GALNTL6: variants seen among roughly 807,000 people sequenced by gnomAD.
The protein encoded by GALNTL6 is polypeptide N-acetylgalactosaminyltransferase like 6, also known as polypeptide N-acetylgalactosaminyltransferase-like 6.
Under a neutral mutation model 73.7 loss-of-function variants are expected in GALNTL6, and 46 were observed. The ratio of observed to expected loss-of-function variants is 0.62; its 90% CI spans 0.49 to 0.80. GALNTL6 has a LOEUF of 0.80. GALNTL6 is among the 30% of genes least tolerant of loss of function. The pLI is 0.00. For missense variants in GALNTL6, 604 were observed against 755.0 expected, an observed-to-expected ratio of 0.80 and a Z score of 2.34; for synonymous variants, 259 against 263.7, an observed-to-expected ratio of 0.98 and a Z score of 0.17.
In GALNTL6 at chr4:172,233,811, CA is replaced by C. The variant is rs367605381; in HGVS notation, c.247+4054del. On this transcript the variant is annotated intron_variant, in intron 3 of 12. Coordinates refer to ENST00000506823, the MANE Select transcript of GALNTL6 (RefSeq NM_001034845.3). ...TCACATTAACATACACAGATATGCA[CA>C]AAAAAATGGGAATTTTTGAATTGTA... is the stretch of plus-strand genomic sequence containing the variant. Among the ~76,000 whole-genome samples, 631 of 151,734 alleles carry C rather than the reference CA, an allele frequency of 4.2e-3. 2 individuals carry two copies. The highest frequency in any genetic ancestry group is 7.2e-3 in the Middle Eastern group (2 of 276).
At position 173,021,530 on chromosome 4, in the gene GALNTL6, C is replaced by A. The variant is rs756041431; in HGVS notation, c.1543C>A (p.Arg515=). The A allele has an allele frequency of 1.2e-6, 2 of 1,614,058 alleles. No individual in the cohort carries two copies. Among genetic ancestry groups the A allele is most frequent in the African/African-American group, 2.7e-5 (2 of 75,020 alleles). Residue 515 remains arginine (R), a synonymous_variant, in exon 12 of 13, where the codon CGG becomes AGG. Coordinates refer to ENST00000506823, the MANE Select transcript of GALNTL6 (RefSeq NM_001034845.3). The stretch of plus-strand genomic sequence containing the variant: ...TCGACCCGGTGAGCCACTGCATACC[C>A]GGAAATTCTGCTTTGATGCGATCTC... ...DIRPGEPLHT[R]KFCFDAISHN...
intron 5 of GALNTL6, among the ~76,000 whole-genome samples, chr4:172,718,969 T>C (rs1202158147): frequency 6.6e-6 from 1 of 152,160 alleles, no homozygotes; most frequent in East Asian, 1.9e-4. Flanking sequence ...GTTGTTCATT[T>C]AGCAACTCAA....
At chr4:172,928,507 A>C (rs998645853) in intron 8 of GALNTL6, among the ~76,000 whole-genome samples, 1 of 152,226 alleles carries the variant, frequency 6.6e-6, no homozygotes, top group Non-Finnish European at 1.5e-5. Flanking sequence ...GCTAGATCAA[A>C]TGTCCATTTG....
At chr4:172,594,181 C>A (rs920295326) in intron 5 of GALNTL6, among the ~76,000 whole-genome samples, 3 of 151,846 alleles carry the variant, frequency 2.0e-5, no homozygotes, top group Non-Finnish European at 4.4e-5. Context: ...CCCATCTCTA[C>A]TAAAAATACA....
chr4:172,052,434 T>G, intron 2 of GALNTL6: 1 of 1,533,964 alleles, frequency 6.5e-7, no homozygotes, highest in South Asian at 1.2e-5. Flanking sequence ...CCCAACCCAT[T>G]CACCAGCCAG....
intron 10 of GALNTL6, among the ~76,000 whole-genome samples, chr4:173,008,067 T>C (rs1561083022): frequency 6.6e-6 from 1 of 152,224 alleles, no homozygotes; most frequent in Non-Finnish European, 1.5e-5. Flanking sequence ...GCTAATACTC[T>C]AGAGTGACAT....
In GALNTL6 at chr4:172,382,619, A is replaced by C. The variant is rs370185952; in HGVS notation, c.553+33930A>C. On this transcript the variant is annotated intron_variant, in intron 5 of 12. Transcript: ENST00000506823. ...AAATTTTGATAAAGTTCAATTTCCTAGATGTTTTTGTCTCATACTTTTGGT... is the reference window on the plus strand; with the variant it reads ...AAATTTTGATAAAGTTCAATTTCCTCGATGTTTTTGTCTCATACTTTTGGT... 2.6e-5 allele frequency among the ~76,000 whole-genome samples: 4 copies of C among 152,246 alleles called. No individual in the cohort carries two copies. The East Asian group carries it at 5.8e-4, about 22-fold the overall frequency.
intron 2 of GALNTL6, among the ~76,000 whole-genome samples, chr4:172,171,350 A>G (rs928363720): frequency 1.3e-5 from 2 of 152,176 alleles, no homozygotes; most frequent in Admixed American, 1.3e-4. Context: ...CTATTGCAGG[A>G]ATTAAATAGT....
At chr4:172,183,276 C>T (rs1735311684) in intron 2 of GALNTL6, among the ~76,000 whole-genome samples, 1 of 152,150 alleles carries the variant, frequency 6.6e-6, no homozygotes, top group East Asian at 1.9e-4. Flanking sequence ...CGATGAATAA[C>T]ATTACCGTTC....
At chr4:172,066,974 C>A (rs1566946) in intron 2 of GALNTL6, among the ~76,000 whole-genome samples, 146,755 of 151,836 alleles carry the variant, frequency 0.97, 71,126 homozygotes, top group East Asian at 1. Context: ...TATCCATGAA[C>A]GTGTGGATAC....
intron 2 of GALNTL6, among the ~76,000 whole-genome samples, chr4:172,001,471 G>A (rs1740669907): frequency 1.3e-5 from 2 of 152,162 alleles, no homozygotes; most frequent in African/African-American, 2.4e-5. Context: ...AAAGGAGATG[G>A]GTTCAGAATA....
chr4:171,970,796 A>G (rs1407184623), intron 2 of GALNTL6, among the ~76,000 whole-genome samples: 1 of 152,230 alleles, frequency 6.6e-6, no homozygotes, highest in East Asian at 1.9e-4. Context: ...TAAAAAAGAT[A>G]AATATGGCTT....
intron 5 of GALNTL6, among the ~76,000 whole-genome samples, chr4:172,377,291 A>G (rs1743067350): frequency 1.3e-5 from 2 of 152,078 alleles, no homozygotes; most frequent in Admixed American, 1.3e-4. Context: ...TGCATTTACA[A>G]TCCTCTAGCT....
At chr4:172,392,313 TG>T (rs1743691361) in intron 5 of GALNTL6, among the ~76,000 whole-genome samples, 6 of 152,168 alleles carry the variant, frequency 3.9e-5, no homozygotes, top group Non-Finnish European at 1.5e-5. Flanking sequence ...AATTAAAAAT[TG>T]TTCTTTACAC....
intron 5 of GALNTL6, among the ~76,000 whole-genome samples, chr4:172,683,756 G>A (rs1168252751): frequency 1.3e-5 from 2 of 152,178 alleles, no homozygotes; most frequent in Admixed American, 1.3e-4. Flanking sequence ...GAAGCAGTTA[G>A]TGAGATACTA....
At chr4:171,864,877 A>G (rs1052505444) in intron 2 of GALNTL6, among the ~76,000 whole-genome samples, 16 of 152,204 alleles carry the variant, frequency 1.1e-4, no homozygotes, top group African/African-American at 3.9e-4. Context: ...AATGGGAGCC[A>G]GTGAAAAGAG....
At chr4:172,793,213 T>G (rs906061775) in intron 5 of GALNTL6, among the ~76,000 whole-genome samples, 1 of 152,214 alleles carries the variant, frequency 6.6e-6, no homozygotes, top group Non-Finnish European at 1.5e-5. Context: ...ACTAATGTTT[T>G]AATCACTTTT....
chr4:172,917,696 G>A (rs1023468808), intron 8 of GALNTL6, among the ~76,000 whole-genome samples: 1 of 152,164 alleles, frequency 6.6e-6, no homozygotes, highest in Non-Finnish European at 1.5e-5. Flanking sequence ...AAACCACAAT[G>A]AGATACCATC....
chr4:172,946,702 G>C (rs930980902), intron 9 of GALNTL6, among the ~76,000 whole-genome samples: 2 of 152,188 alleles, frequency 1.3e-5, no homozygotes, highest in African/African-American at 2.4e-5. Flanking sequence ...ACAGAAAAGA[G>C]AGATTAATGC....
Sources: allele counts gnomAD v4.1 joint callset (sites outside exome capture counted in the v4.1 genomes callset), GRCh38; gene constraint gnomAD v4.1.1; transcripts MANE v1.5; gene names NCBI Gene and HGNC (gene_info 2026-07-23, HGNC 2026-07-21).